GHR: variants seen among roughly 807,000 people sequenced by gnomAD.
GHR encodes GH receptor.
In GHR, 35 loss-of-function variants were observed where a neutral mutation model predicts 67.1. The ratio of observed to expected loss-of-function variants is 0.52; its 90% CI spans 0.40 to 0.69. The LOEUF (loss-of-function observed/expected upper bound fraction) is 0.69. Among genes scored for constraint, GHR ranks in the 30% least tolerant of loss-of-function variants. The pLI is 0.00. For synonymous variants in GHR, 272 were observed against 269.1 expected, an observed-to-expected ratio of 1.01 and a Z score of -0.10; for missense variants, 792 against 764.6, an observed-to-expected ratio of 1.04 and a Z score of -0.42.
intron 2 of GHR, among the ~76,000 whole-genome samples, chr5:42,583,577 C>CA (rs1301136895): frequency 6.6e-6 from 1 of 152,160 alleles, no homozygotes; most frequent in African/African-American, 2.4e-5. Context: ...CAGACTACAG[C>CA]TATGCCAGAA....
intron 2 of GHR, among the ~76,000 whole-genome samples, chr5:42,576,014 A>G (rs1051773514): frequency 6.7e-6 from 1 of 149,948 alleles, no homozygotes; most frequent in African/African-American, 2.5e-5. Context: ...AGCCTGGTCA[A>G]CAGAGCAACA....
At chr5:42,562,194 G>A (rs1749646320) in intron 1 of GHR, among the ~76,000 whole-genome samples, 1 of 152,164 alleles carries the variant, frequency 6.6e-6, no homozygotes, top group Non-Finnish European at 1.5e-5. Flanking sequence ...ATGGGGCTCT[G>A]TGAAGATGAT....
intron 2 of GHR, among the ~76,000 whole-genome samples, chr5:42,570,885 G>A (rs945885396): frequency 6.6e-6 from 1 of 152,196 alleles, no homozygotes; most frequent in East Asian, 1.9e-4. Context: ...GGATGAATTA[G>A]AGGAGGAAGT....
intron 3 of GHR, among the ~76,000 whole-genome samples, chr5:42,681,193 A>G (rs186515543): frequency 7.9e-5 from 12 of 152,208 alleles, no homozygotes; most frequent in African/African-American, 2.6e-4. Flanking sequence ...AATGGGAGAA[A>G]ATTTTTGCAA....
At chr5:42,603,112 G>A (rs556891648) in intron 2 of GHR, among the ~76,000 whole-genome samples, 1 of 149,044 alleles carries the variant, frequency 6.7e-6, no homozygotes, top group South Asian at 2.1e-4. Context: ...AGGATTGCTG[G>A]GTATAGCCGT....
Position 42,718,878 on chromosome 5 carries a change from A to T in GHR, c.1371A>T (p.Gln457His), listed in dbSNP as rs1758868321. Reference sequence around the variant, plus strand: ...TCCAAGCAGAGAAAAACAAACCACAACCACTTCCTACTGAAGGAGCTGAGT... The same window carrying T: ...TCCAAGCAGAGAAAAACAAACCACATCCACTTCCTACTGAAGGAGCTGAGT... ...SVIQAEKNKP[Q>H]PLPTEGAEST... is the part of the protein sequence containing the mutation. Residue 457 changes from glutamine to histidine, a missense_variant, in exon 10 of 10, where the codon CAA becomes CAT. Gln to His is a conservative substitution (Grantham distance 24). Coordinates refer to ENST00000230882, the MANE Select transcript of GHR (RefSeq NM_000163.5). The T allele has an allele frequency of 1.2e-6, 2 of 1,613,844 alleles. No homozygotes were observed.
chr5:42,425,009 G>T (rs924066111), intron 1 of GHR: 2 of 985,328 alleles, frequency 2.0e-6, no homozygotes, highest in South Asian at 4.7e-5. Flanking sequence ...TGTTTGTGCC[G>T]CCAGGAGACC....
intron 3 of GHR, among the ~76,000 whole-genome samples, chr5:42,654,871 T>G (rs1755177036): frequency 1.3e-5 from 2 of 152,164 alleles, no homozygotes; most frequent in South Asian, 4.1e-4. Context: ...GCCTAGTTTG[T>G]GCAGACTATT....
At chr5:42,660,112 G>A (rs541364011) in intron 3 of GHR, among the ~76,000 whole-genome samples, 7 of 152,292 alleles carry the variant, frequency 4.6e-5, no homozygotes, top group South Asian at 4.1e-4. Context: ...CGGGAATCTC[G>A]AACTGGGTGG....
intron 1 of GHR, among the ~76,000 whole-genome samples, chr5:42,480,140 A>G (rs971885311): frequency 3.3e-5 from 5 of 152,032 alleles, no homozygotes; most frequent in Non-Finnish European, 7.4e-5. Context: ...TCATTTTGTT[A>G]TGTACCCAGT....
intron 4 of GHR, among the ~76,000 whole-genome samples, chr5:42,691,648 G>T (rs1162944077): frequency 1.3e-5 from 2 of 152,218 alleles, no homozygotes; most frequent in Non-Finnish European, 2.9e-5. Flanking sequence ...TCAGTTTGCT[G>T]GCCTGGCCTC....
rs749447361 is a variant in GHR at position 42,711,293 on chromosome 5, A to C, written c.705A>C (p.Arg235=). The part of the protein sequence containing the change: ...EYEVRVRSKQ[R]NSGNYGEFSE... Reference sequence around the variant, plus strand: ...AAGTGCGTGTGAGATCCAAACAACGAAACTCTGGAAATTATGGCGAGTTCA... The same window carrying C: ...AAGTGCGTGTGAGATCCAAACAACGCAACTCTGGAAATTATGGCGAGTTCA... The change falls in exon 7 of 10, where the codon CGA becomes CGC. Residue 235 remains arginine (R), a synonymous_variant. Coordinates refer to ENST00000230882, the MANE Select transcript of GHR (RefSeq NM_000163.5). The C allele has an allele frequency of 6.2e-7, 1 of 1,613,156 alleles. No individual in the cohort carries two copies. Among genetic ancestry groups the C allele is most frequent in the African/African-American group, 1.3e-5 (1 of 75,040 alleles).
intron 2 of GHR, among the ~76,000 whole-genome samples, chr5:42,595,545 G>A (rs767145857): frequency 3.3e-5 from 5 of 152,086 alleles, no homozygotes; most frequent in Non-Finnish European, 5.9e-5. Context: ...CCTTTGTTCT[G>A]ATTTATTTTT....
chr5:42,584,269 CT>C (rs1290510415), intron 2 of GHR, among the ~76,000 whole-genome samples: 4 of 151,930 alleles, frequency 2.6e-5, no homozygotes, highest in Admixed American at 6.6e-5. Context: ...AGTCATTCAG[CT>C]TTTTTTTAAA....
chr5:42,628,313 G>C (rs968653920), intron 2 of GHR, among the ~76,000 whole-genome samples: 3 of 150,378 alleles, frequency 2.0e-5, no homozygotes, highest in Non-Finnish European at 3.0e-5. Context: ...CTTCAGGCTT[G>C]AGGGTGGGGC....
chr5:42,707,647 T>C (rs967345222), intron 6 of GHR, among the ~76,000 whole-genome samples: 7 of 152,016 alleles, frequency 4.6e-5, no homozygotes, highest in African/African-American at 1.7e-4. Flanking sequence ...GTTTTATAGT[T>C]CTACTTATAA....
At chr5:42,674,048 G>C (rs1226428279) in intron 3 of GHR, among the ~76,000 whole-genome samples, 1 of 152,066 alleles carries the variant, frequency 6.6e-6, no homozygotes, top group Non-Finnish European at 1.5e-5. Flanking sequence ...CCTTCTGCCA[G>C]CTACTAAGTT....
intron 2 of GHR, among the ~76,000 whole-genome samples, chr5:42,592,198 A>C (rs1343403530): frequency 2.6e-5 from 4 of 152,226 alleles, no homozygotes; most frequent in Admixed American, 6.5e-5. Flanking sequence ...TGTGCCGAGC[A>C]GGTGCTTGCA....
At chr5:42,666,497 T>G (rs944578114) in intron 3 of GHR, among the ~76,000 whole-genome samples, 1 of 152,198 alleles carries the variant, frequency 6.6e-6, no homozygotes, top group Non-Finnish European at 1.5e-5. Context: ...CTATCAAAAC[T>G]ATTAATGTTG....
Sources: gnomAD v4.1 joint callset for allele counts (sites outside exome capture counted in the v4.1 genomes callset) on GRCh38, gnomAD v4.1.1 for gene constraint, MANE v1.5 for transcripts, NCBI Gene and HGNC (gene_info 2026-07-23, HGNC 2026-07-21) for gene names.